MYO5A: variants seen among roughly 807,000 people sequenced by gnomAD.
MYO5A encodes the protein unconventional myosin-Va.
Under a neutral mutation model 249.7 loss-of-function variants are expected in MYO5A, and 98 were observed. That is an observed-to-expected ratio of 0.39 (90% CI 0.33 to 0.46). MYO5A has a LOEUF of 0.46. Ranked by LOEUF, MYO5A falls within the 20% of genes least tolerant of loss-of-function variation. MYO5A has a pLI of 0.98. For synonymous variants in MYO5A, 778 were observed against 810.6 expected, an observed-to-expected ratio of 0.96 and a Z score of 0.68; for missense variants, 1,696 against 2,308.8, an observed-to-expected ratio of 0.73 and a Z score of 5.44.
chr15:52,392,757 G>C (rs1669874), intron 11 of MYO5A, among the ~76,000 whole-genome samples: 1 of 151,978 alleles, frequency 6.6e-6, no homozygotes, highest in Non-Finnish European at 1.5e-5. Context: ...CCATGTGCCA[G>C]TCACTGCACA....
chr15:52,387,184 G>A (rs1283633499), intron 14 of MYO5A, among the ~76,000 whole-genome samples: 2 of 152,216 alleles, frequency 1.3e-5, no homozygotes, highest in Non-Finnish European at 2.9e-5. Context: ...AAGGTCAAGG[G>A]ATGGAGGGGA....
chr15:52,487,594 G>A (rs2076849175), intron 1 of MYO5A, among the ~76,000 whole-genome samples: 1 of 151,364 alleles, frequency 6.6e-6, no homozygotes, highest in Non-Finnish European at 1.5e-5. Context: ...CATGGTGACA[G>A]GTGCCTATAA....
intron 1 of MYO5A, among the ~76,000 whole-genome samples, chr15:52,437,787 C>T (rs1479280028): frequency 1.3e-5 from 2 of 152,056 alleles, no homozygotes; most frequent in South Asian, 2.1e-4. Flanking sequence ...TAGGGAGCTC[C>T]AGCTCAGATT....
In MYO5A at chr15:52,354,112, T is replaced by C. The variant is rs2040087810; in HGVS notation, c.3424-98A>G. 4.3e-6 allele frequency: 6 copies of C among 1,395,716 alleles called. No homozygotes were observed. The South Asian group carries it at 4.8e-5, about 11-fold the overall frequency. 86.5% of individuals were successfully genotyped at this position (1,395,716 alleles called of 1,614,324 possible). ...AGCTCAATGGAAAAATAGGCAAACT[T>C]ACAGAATAAGAAATACAAACATCTA... On this transcript the variant is annotated intron_variant, in intron 25 of 41. Transcript: ENST00000399233.
chr15:52,397,489 T>C (rs755916134), intron 9 of MYO5A, 23 bp from the exon 10 acceptor site: 2 of 1,611,760 alleles, frequency 1.2e-6, no homozygotes, highest in Non-Finnish European at 1.7e-6. Context: ...AATGAGTTAT[T>C]TCCTATGACC....
intron 18 of MYO5A, among the ~76,000 whole-genome samples, 175 bp downstream of exon 18, chr15:52,379,450 G>A (rs769616326): frequency 3.9e-5 from 6 of 152,094 alleles, no homozygotes; most frequent in Non-Finnish European, 5.9e-5. Context: ...GCCTCCTGAC[G>A]GTGGACTATC....
At chr15:52,509,858 A>C (rs1393416646) in intron 1 of MYO5A, among the ~76,000 whole-genome samples, 1 of 152,152 alleles carries the variant, frequency 6.6e-6, no homozygotes, top group Admixed American at 6.5e-5. Context: ...TCTCAAGTGA[A>C]CAATCTGTGC....
chr15:52,455,726 A>G (rs1437347186), intron 1 of MYO5A, among the ~76,000 whole-genome samples: 1 of 151,978 alleles, frequency 6.6e-6, no homozygotes, highest in East Asian at 1.9e-4. Context: ...GATCATTTTG[A>G]TACATGTTAA....
chr15:52,315,355 A>T (rs1301419063), intron 40 of MYO5A, among the ~76,000 whole-genome samples: 1 of 151,812 alleles, frequency 6.6e-6, no homozygotes, highest in Non-Finnish European at 1.5e-5. Context: ...TGAATTCAAC[A>T]TTAAGAAGCT....
At chr15:52,468,525 C>G (rs2076396140) in intron 1 of MYO5A, among the ~76,000 whole-genome samples, 1 of 151,910 alleles carries the variant, frequency 6.6e-6, no homozygotes, top group Non-Finnish European at 1.5e-5. Context: ...TTTTAATTAG[C>G]TGGGTGTGGT....
At position 52,367,078 on chromosome 15, in the gene MYO5A, T is replaced by C; in HGVS notation, c.3113A>G (p.Lys1038Arg). The change falls in exon 23 of 42, where the codon AAA becomes AGA. Residue 1038 changes from lysine to arginine, a missense_variant. Lys to Arg is a conservative substitution (Grantham distance 26, BLOSUM62 2). Around this residue, in one of 5 missense-constraint regions of MYO5A, gnomAD observed 412 missense variants for 453.3 expected, o/e 0.91. Transcript: ENST00000399233. ...CACGATGCGGTGATTGAGGGCTTCT[T>C]TTTCTTGCTTCAGCAAAGTATTTTC... ...KEENTLLKQEKEALNHRIVQQ... is the reference protein window; with the variant it reads ...KEENTLLKQEREALNHRIVQQ... The C allele has an allele frequency of 6.2e-7, 1 of 1,613,918 alleles. No individual in the cohort carries two copies. The highest frequency in any genetic ancestry group is 8.5e-7 in the Non-Finnish European group (1 of 1,179,820).
intron 32 of MYO5A, among the ~76,000 whole-genome samples, chr15:52,338,494 G>C (rs546507142): frequency 6.6e-6 from 1 of 152,074 alleles, no homozygotes. Context: ...CTCCTGCTGG[G>C]CTTTAATATC....
intron 1 of MYO5A, among the ~76,000 whole-genome samples, chr15:52,441,538 T>C (rs2075786494): frequency 6.6e-6 from 1 of 152,234 alleles, no homozygotes; most frequent in Non-Finnish European, 1.5e-5. Context: ...GGGTTTGCTA[T>C]ACCCTGAACA....
chr15:52,365,047 A>C (rs2040742921), intron 23 of MYO5A, among the ~76,000 whole-genome samples: 1 of 152,140 alleles, frequency 6.6e-6, no homozygotes. Flanking sequence ...CTATTCATAA[A>C]ATTATTTTGC....
Position 52,313,225 on chromosome 15 carries a change from G to T in MYO5A, c.*471C>A. Reference sequence around the variant, plus strand: ...CCAGTTTAACAATATCAACATAATTGATTACTAAACTGACATGATATGTAC... The same window carrying T: ...CCAGTTTAACAATATCAACATAATTTATTACTAAACTGACATGATATGTAC... On this transcript the variant is annotated 3_prime_UTR_variant, in exon 42 of 42. Transcript: ENST00000399233. 1 of 168,482 alleles carries T rather than the reference G, an allele frequency of 5.9e-6. No homozygotes were observed. Among genetic ancestry groups the T allele is most frequent in the Non-Finnish European group, 1.3e-5 (1 of 76,964 alleles). 10.4% of individuals were successfully genotyped at this position (168,482 alleles called of 1,614,324 possible).
intron 40 of MYO5A, among the ~76,000 whole-genome samples, chr15:52,316,170 C>T (rs1385035958): frequency 7.6e-6 from 1 of 132,396 alleles, no homozygotes; most frequent in African/African-American, 2.9e-5. Flanking sequence ...GGAGGGGGAG[C>T]TTGCAGTGAG....
At chr15:52,413,838 A>T (rs2043355690) in intron 5 of MYO5A, among the ~76,000 whole-genome samples, 1 of 152,220 alleles carries the variant, frequency 6.6e-6, no homozygotes, top group South Asian at 2.1e-4. Flanking sequence ...CAGACTAAAT[A>T]ATAGAGAAGG....
Position 52,337,672 on chromosome 15 carries a change from C to T in MYO5A, c.4314+138G>A, listed in dbSNP as rs150748413. On this transcript the variant is annotated intron_variant, in intron 33 of 41. Coordinates refer to ENST00000399233, the MANE Select transcript of MYO5A (RefSeq NM_001382347.1). ...AGAGGTGACACCACTGGCTAAAAGA[C>T]AGCTGTGGGGAGAAACAGGTTTCGT... 12 of 582,906 alleles carry T rather than the reference C, an allele frequency of 2.1e-5. No homozygotes were observed. The East Asian group carries it at 3.1e-4, about 15-fold the overall frequency. 36.1% of individuals were successfully genotyped at this position (582,906 alleles called of 1,614,324 possible).
At chr15:52,405,088 C>CACAA (rs3221446) in intron 9 of MYO5A, among the ~76,000 whole-genome samples, 199 bp downstream of exon 9, 11 of 142,066 alleles carry the variant, frequency 7.7e-5, no homozygotes, top group African/African-American at 2.6e-4. Flanking sequence ...CACACACACA[C>CACAA]AATCACTATG....
Sources: allele counts gnomAD v4.1 joint callset (sites outside exome capture counted in the v4.1 genomes callset), GRCh38; gene constraint gnomAD v4.1.1; regional missense constraint gnomAD v4.1.1; transcripts MANE v1.5; gene names NCBI Gene and HGNC (gene_info 2026-07-23, HGNC 2026-07-21).